Variants in TRIM9 observed in about 807,000 individuals in gnomAD.
The protein encoded by TRIM9 is tripartite motif containing 9, also known as E3 ubiquitin-protein ligase TRIM9.
In TRIM9, 26 loss-of-function variants were observed where a neutral mutation model predicts 78.3. The observed-to-expected ratio is 0.33, with a 90% CI of 0.24 to 0.46. TRIM9 has a LOEUF of 0.46. TRIM9 is among the 20% of genes least tolerant of loss of function. The pLI, the probability that TRIM9 is intolerant of heterozygous loss-of-function variation, is 1.00. For synonymous variants in TRIM9, 398 were observed against 416.5 expected, an observed-to-expected ratio of 0.96 and a Z score of 0.54; for missense variants, 787 against 1,036.4, an observed-to-expected ratio of 0.76 and a Z score of 3.30.
chr14:51,015,465 T>C (rs928113283), intron 3 of TRIM9, among the ~76,000 whole-genome samples: 1 of 151,742 alleles, frequency 6.6e-6, no homozygotes, highest in Non-Finnish European at 1.5e-5. Flanking sequence ...AATTTTTCTT[T>C]ATCTTTTTTA....
At chr14:51,092,283 T>C (rs1452387610) in intron 1 of TRIM9, among the ~76,000 whole-genome samples, 1 of 152,204 alleles carries the variant, frequency 6.6e-6, no homozygotes, top group Admixed American at 6.5e-5. Context: ...GAAATCCCCA[T>C]CAGTACTAAT....
At chr14:51,066,638 C>T (rs989235239) in intron 1 of TRIM9, among the ~76,000 whole-genome samples, 2 of 152,194 alleles carry the variant, frequency 1.3e-5, no homozygotes, top group African/African-American at 2.4e-5. Flanking sequence ...CTTTTAGTCA[C>T]GATTCTGGAA....
intron 7 of TRIM9, among the ~76,000 whole-genome samples, chr14:50,988,671 C>A (rs894579008): frequency 6.7e-6 from 1 of 150,002 alleles, no homozygotes; most frequent in Non-Finnish European, 1.5e-5. Context: ...CTGTTAACAA[C>A]AACAAAAAAA....
intron 1 of TRIM9, among the ~76,000 whole-genome samples, chr14:51,042,525 A>AGTAATTT (rs1227618053): frequency 1.3e-5 from 2 of 152,374 alleles, no homozygotes; most frequent in East Asian, 3.9e-4. Flanking sequence ...TAGTTAAAGA[A>AGTAATTT]GTAATTTTCA....
chr14:51,094,211 T>G lies in TRIM9; in HGVS notation c.729A>C (p.Gln243His). Residue 243 changes from glutamine to histidine, a missense_variant, in exon 1 of 13, where the codon CAA becomes CAC. Physicochemically the swap from Gln to His is conservative, Grantham distance 24 (BLOSUM62 0). This residue lies in a region of TRIM9 where 352 missense variants were observed against 472.3 expected (regional missense o/e 0.75). Coordinates refer to ENST00000684578, the MANE Select transcript of TRIM9 (RefSeq NM_001387360.1). ...ELENHSMYCV[Q>H]CKMPVCYQCL... ...ACTGGTAGCACACGGGCATCTTGCA[T>G]TGCACGCAGTACATGCTGTGGTTCT... 2.5e-6 allele frequency: 4 copies of G among 1,614,230 alleles called. No homozygotes were observed. Among genetic ancestry groups the G allele is most frequent in the Non-Finnish European group, 3.4e-6 (4 of 1,180,032 alleles).
chr14:50,982,189 T>C, intron 10 of TRIM9, 86 bp from the exon 11 acceptor site: 1 of 1,489,706 alleles, frequency 6.7e-7, no homozygotes, highest in African/African-American at 1.4e-5. Flanking sequence ...GTGAGGAGCG[T>C]TGTGTAGCGT....
intron 7 of TRIM9, among the ~76,000 whole-genome samples, chr14:50,988,702 T>C (rs2053074571): frequency 6.6e-6 from 1 of 152,076 alleles, no homozygotes; most frequent in African/African-American, 2.4e-5. Flanking sequence ...CAATGAGAAC[T>C]TTTCAAATGA....
chr14:50,992,173 C>T (rs2139417779), intron 7 of TRIM9, among the ~76,000 whole-genome samples: 1 of 152,274 alleles, frequency 6.6e-6, no homozygotes, highest in South Asian at 2.1e-4. Context: ...TGAGGTGTTC[C>T]CTGTAGTTGT....
At chr14:51,019,818 A>C (rs2057574848) in intron 3 of TRIM9, among the ~76,000 whole-genome samples, 1 of 152,230 alleles carries the variant, frequency 6.6e-6, no homozygotes, top group African/African-American at 2.4e-5. Context: ...AAACCTAGTA[A>C]GTGAGAAAGT....
intron 7 of TRIM9, chr14:50,997,269 C>G (rs1003988843): frequency 3.0e-6 from 3 of 985,268 alleles, no homozygotes; most frequent in Non-Finnish European, 3.6e-6. Flanking sequence ...TCAAGCCTCT[C>G]ATCTGAGACA....
intron 11 of TRIM9, 33 bp downstream of exon 11, chr14:50,981,767 T>G: frequency 1.2e-6 from 2 of 1,611,486 alleles, no homozygotes; most frequent in Non-Finnish European, 1.7e-6. Flanking sequence ...GAAGCCAACG[T>G]GAAGAAGGCT....
At chr14:51,054,723 G>A (rs1312256363) in intron 1 of TRIM9, among the ~76,000 whole-genome samples, 2 of 152,062 alleles carry the variant, frequency 1.3e-5, no homozygotes, top group Non-Finnish European at 2.9e-5. Flanking sequence ...ACAGGCGCAT[G>A]CCACTACGCC....
At chr14:51,003,484 C>T (rs2055353728) in intron 5 of TRIM9, among the ~76,000 whole-genome samples, 2 of 152,178 alleles carry the variant, frequency 1.3e-5, no homozygotes, top group South Asian at 2.1e-4. Context: ...CAACTTAAAT[C>T]ATGCAAATGC....
Position 51,074,028 on chromosome 14 carries a change from C to T in TRIM9, c.822+20090G>A, listed in dbSNP as rs913135006. On this transcript the variant is annotated intron_variant, in intron 1 of 12. Transcript: ENST00000684578. The stretch of plus-strand genomic sequence containing the variant: ...AAATGCTACAAATCAGAGCTTTCCA[C>T]GTTTGCCAGCACACCACTGAATAGC... Among the ~76,000 whole-genome samples the T allele has an allele frequency of 3.3e-5, 5 of 152,244 alleles. No homozygotes were observed. In the South Asian group the frequency reaches 6.2e-4, roughly 19 times the overall value.
chr14:51,014,660 G>A (rs1596175128), intron 3 of TRIM9, among the ~76,000 whole-genome samples: 1 of 152,164 alleles, frequency 6.6e-6, no homozygotes, highest in Non-Finnish European at 1.5e-5. Context: ...TTTCTCTCTA[G>A]TTGTCTTTAT....
At chr14:51,000,917 CT>C (rs960255054) in intron 5 of TRIM9, 77 bp from the exon 6 acceptor site, 253 of 1,556,662 alleles carry the variant, frequency 1.6e-4, no homozygotes, top group Admixed American at 2.5e-4. Context: ...AAGCATCCCC[CT>C]GATAAACACG....
Position 50,979,482 on chromosome 14 carries a change from T to A in TRIM9, c.2230A>T (p.Thr744Ser). 6.2e-7 allele frequency: 1 copy of A among 1,614,204 alleles called. No individual in the cohort carries two copies. Among genetic ancestry groups the A allele is most frequent in the Non-Finnish European group, 8.5e-7 (1 of 1,180,034 alleles). ...VLLDLNRKNL[T>S]FFINDEQQGP... ...TGTTGTTCATCGTTGATAAAAAATG[T>A]CAAGTTTTTTCTATTTAAGTCGAGG... Residue 744 changes from threonine (T) to serine (S), a missense_variant, in exon 12 of 13, where the codon ACA becomes TCA. Physicochemically the swap from Thr to Ser is moderately conservative, Grantham distance 58 (BLOSUM62 1). Around this residue, in one of 3 missense-constraint regions of TRIM9, gnomAD observed 421 missense variants for 514.3 expected, o/e 0.82. Transcript: ENST00000684578.
intron 1 of TRIM9, among the ~76,000 whole-genome samples, chr14:51,054,791 G>A (rs1234573705): frequency 6.6e-6 from 1 of 151,754 alleles, no homozygotes. Context: ...CACCTGCCTC[G>A]GCCTCCCAAA....
intron 1 of TRIM9, among the ~76,000 whole-genome samples, chr14:51,069,285 G>GT (rs2140219870): frequency 6.6e-6 from 1 of 152,314 alleles, no homozygotes; most frequent in East Asian, 1.9e-4. Context: ...GTTCATCTGT[G>GT]TTAATCTAGA....
Sources: allele counts gnomAD v4.1 joint callset (sites outside exome capture counted in the v4.1 genomes callset), GRCh38; gene constraint gnomAD v4.1.1; regional missense constraint gnomAD v4.1.1; transcripts MANE v1.5; gene names NCBI Gene and HGNC (gene_info 2026-07-23, HGNC 2026-07-21).